ATF7IP2: variants seen among roughly 807,000 people sequenced by gnomAD.
The protein encoded by ATF7IP2 is activating transcription factor 7-interacting protein 2.
In ATF7IP2, 42 loss-of-function variants were observed where a neutral mutation model predicts 64.2. The observed-to-expected ratio is 0.65, with a 90% CI of 0.51 to 0.85. The LOEUF (loss-of-function observed/expected upper bound fraction) is 0.85. Ranked by LOEUF, ATF7IP2 falls within the 40% of genes least tolerant of loss-of-function variation. The probability of loss-of-function intolerance (pLI) is 0.00; values close to 1 mark genes in which losing one functional copy is unlikely to be tolerated. For synonymous variants in ATF7IP2, 308 were observed against 272.8 expected (o/e 1.13, Z -1.27); for missense variants, 933 against 784.2 (o/e 1.19, Z -2.27).
At chr16:10,401,158 T>C (rs9938372) in intron 1 of ATF7IP2, among the ~76,000 whole-genome samples, 6,331 of 152,160 alleles carry the variant, frequency 0.042, 472 homozygotes, top group African/African-American at 0.15. Flanking sequence ...TTGATTATGG[T>C]TTATTTTTAT....
intron 2 of ATF7IP2, among the ~76,000 whole-genome samples, chr16:10,416,787 ACT>A: frequency 6.6e-6 from 1 of 152,194 alleles, no homozygotes; most frequent in East Asian, 1.9e-4. Flanking sequence ...ACAGAGCAAG[ACT>A]CTGTCTCAAA....
chr16:10,391,075 T>C (rs892889257), intron 1 of ATF7IP2, among the ~76,000 whole-genome samples: 6 of 151,684 alleles, frequency 4.0e-5, no homozygotes, highest in Admixed American at 2.6e-4. Flanking sequence ...GGAGAATTGC[T>C]GAGCCCAAGA....
rs2049905244 is a variant in ATF7IP2, at chr16:10,473,916, T to G, written c.1483-7T>G. The G allele has an allele frequency of 6.8e-7, 1 of 1,466,256 alleles. No individual in the cohort carries two copies. Among genetic ancestry groups the G allele is most frequent in the Admixed American group, 2.2e-5 (1 of 45,514 alleles). The allele number at this position is 1,466,256 out of a possible 1,614,324, so 90.8% of individuals were successfully genotyped here. A position where few individuals can be genotyped will look rare whatever the true frequency, so the allele number is the denominator to read the frequency against. On this transcript the variant is annotated splice_region_variant and splice_polypyrimidine_tract_variant and intron_variant, in intron 11 of 13. Coordinates refer to ENST00000562102, the MANE Select transcript of ATF7IP2 (RefSeq NM_001393719.1). Reference sequence around the variant, plus strand: ...AAGCTTTTTTTTTTTTTTTACAATTTTTTTAGGCTGTACAGAAGAAACTTG... The same window carrying G: ...AAGCTTTTTTTTTTTTTTTACAATTGTTTTAGGCTGTACAGAAGAAACTTG...
intron 12 of ATF7IP2, among the ~76,000 whole-genome samples, chr16:10,480,244 T>A (rs577919135): frequency 6.6e-6 from 1 of 152,202 alleles, no homozygotes; most frequent in East Asian, 1.9e-4. Flanking sequence ...CCTAAAGTGC[T>A]GGGATGACAG....
chr16:10,436,988 G>T (rs1596507749), intron 6 of ATF7IP2, among the ~76,000 whole-genome samples: 1 of 150,926 alleles, frequency 6.6e-6, no homozygotes, highest in Admixed American at 6.6e-5. Context: ...AGATAACATT[G>T]GTAACTACAT....
rs2050275363 is a variant in ATF7IP2 at position 10,482,547 on chromosome 16, G to C, written c.*298G>C. On this transcript the variant is annotated 3_prime_UTR_variant, in exon 14 of 14. Transcript: ENST00000562102. The stretch of plus-strand genomic sequence containing the variant: ...ACTGCTGCTTCTATCAGAAGACCTA[G>C]GATACAAGCAGCCACTGTTTCCTCC... 9.7e-6 allele frequency: 2 copies of C among 206,566 alleles called. No homozygotes were observed. Among genetic ancestry groups the C allele is most frequent in the East Asian group, 2.6e-4 (2 of 7,714 alleles). The allele number at this position is 206,566 out of a possible 1,614,324, so 12.8% of individuals were successfully genotyped here.
chr16:10,409,792 A>G (rs1297675964), intron 1 of ATF7IP2, among the ~76,000 whole-genome samples: 2 of 152,186 alleles, frequency 1.3e-5, no homozygotes, highest in Admixed American at 1.3e-4. Flanking sequence ...ATTCTCCTAC[A>G]TGTGGCTTGC....
At chr16:10,473,651 C>T (rs972463220) in intron 11 of ATF7IP2, 117 bp downstream of exon 11, 4 of 751,972 alleles carry the variant, frequency 5.3e-6, no homozygotes, top group African/African-American at 1.8e-5. Flanking sequence ...CACTGAAAAG[C>T]AGACAGCTAA....
intron 8 of ATF7IP2, among the ~76,000 whole-genome samples, chr16:10,441,691 G>T (rs776709605): frequency 1.3e-4 from 20 of 152,112 alleles, no homozygotes; most frequent in Non-Finnish European, 2.6e-4. Context: ...CCATTCTGTA[G>T]GTTGCCTGTT....
chr16:10,458,097 C>G (rs757374423), intron 9 of ATF7IP2, among the ~76,000 whole-genome samples: 10 of 152,224 alleles, frequency 6.6e-5, no homozygotes, highest in Admixed American at 1.3e-4. Flanking sequence ...AACACCCTTT[C>G]CCACAGATAA....
intron 2 of ATF7IP2, among the ~76,000 whole-genome samples, chr16:10,419,057 C>G (rs955607409): frequency 2.0e-5 from 3 of 152,208 alleles, no homozygotes; most frequent in Non-Finnish European, 4.4e-5. Context: ...TTCTGCAGTG[C>G]AATCTTCCCA....
chr16:10,421,598 T>C (rs2047990009), intron 3 of ATF7IP2, among the ~76,000 whole-genome samples: 2 of 151,902 alleles, frequency 1.3e-5, no homozygotes, highest in Admixed American at 6.6e-5. Flanking sequence ...CAAGTAGGAG[T>C]AAGGAGTAGT....
At chr16:10,471,382 G>A (rs959714288) in intron 9 of ATF7IP2, among the ~76,000 whole-genome samples, 2 of 152,104 alleles carry the variant, frequency 1.3e-5, no homozygotes, top group African/African-American at 4.8e-5. Context: ...AGAAAAATTA[G>A]CCGGGCATGG....
intron 1 of ATF7IP2, among the ~76,000 whole-genome samples, chr16:10,396,149 T>G (rs1010103129): frequency 1.3e-5 from 2 of 152,132 alleles, no homozygotes; most frequent in Non-Finnish European, 2.9e-5. Flanking sequence ...GAGGAAAGCA[T>G]ATATAATAGC....
At chr16:10,448,326 G>C (rs2048877908) in intron 8 of ATF7IP2, 1 of 152,210 alleles carries the variant, frequency 6.6e-6, no homozygotes, top group African/African-American at 2.4e-5. Context: ...ATGGTAGCTT[G>C]ATGGGGATAG....
intron 3 of ATF7IP2, among the ~76,000 whole-genome samples, chr16:10,421,622 T>C (rs940865367): frequency 6.6e-6 from 1 of 152,196 alleles, no homozygotes; most frequent in African/African-American, 2.4e-5. Context: ...CTGAATTTTG[T>C]CAGGAGCTAT....
chr16:10,477,271 G>A (rs1201959174), intron 12 of ATF7IP2, among the ~76,000 whole-genome samples: 1 of 152,112 alleles, frequency 6.6e-6, no homozygotes, highest in Non-Finnish European at 1.5e-5. Context: ...TTAAAAAGTG[G>A]GCAAAAGATT....
At chr16:10,479,516 G>T (rs1318646317) in intron 12 of ATF7IP2, among the ~76,000 whole-genome samples, 2 of 152,030 alleles carry the variant, frequency 1.3e-5, no homozygotes, top group South Asian at 2.1e-4. Flanking sequence ...TAGGGGGAGT[G>T]GGGAGGGATA....
rs75237051 is a variant in ATF7IP2, at chr16:10,463,041, T to A, written c.1352+5512T>A. Among the ~76,000 whole-genome samples, 17 of 152,222 alleles carry A rather than the reference T, an allele frequency of 1.1e-4. No homozygotes were observed. The East Asian group carries it at 3.1e-3, about 28-fold the overall frequency. On this transcript the variant is annotated intron_variant, in intron 9 of 13. Coordinates refer to ENST00000562102, the MANE Select transcript of ATF7IP2 (RefSeq NM_001393719.1). Reference sequence around the variant, plus strand: ...TGTTCTTTGGTGAAATTCTTTACCTTGCCATCCAAGCGTTGTACATTTTAG... The same window carrying A: ...TGTTCTTTGGTGAAATTCTTTACCTAGCCATCCAAGCGTTGTACATTTTAG...
Sources: allele counts gnomAD v4.1 joint callset (sites outside exome capture counted in the v4.1 genomes callset), GRCh38; gene constraint gnomAD v4.1.1; transcripts MANE v1.5; gene names NCBI Gene and HGNC (gene_info 2026-07-23, HGNC 2026-07-21).